ZZEF1: variants seen among roughly 807,000 people sequenced by gnomAD.
ZZEF1 encodes the protein zinc finger ZZ-type and EF-hand domain containing 1.
ZZEF1 carries 157 observed loss-of-function variants against 342.8 expected under a neutral mutation model. That is an observed-to-expected ratio of 0.46 (90% CI 0.40 to 0.52). The LOEUF (loss-of-function observed/expected upper bound fraction) is 0.52, where lower values mean the gene tolerates loss of function less well. Among genes scored for constraint, ZZEF1 ranks in the 20% least tolerant of loss-of-function variants. The pLI is 0.00. For missense variants in ZZEF1, 3,480 were observed against 3,725.6 expected, an observed-to-expected ratio of 0.93 and a Z score of 1.72; for synonymous variants, 1,505 against 1,429.1, an observed-to-expected ratio of 1.05 and a Z score of -1.20.
At chr17:4,018,412 G>A (rs938744818) in intron 46 of ZZEF1, among the ~76,000 whole-genome samples, 3 of 151,966 alleles carry the variant, frequency 2.0e-5, no homozygotes, top group Admixed American at 1.3e-4. Context: ...ACCATGCCTG[G>A]ACTCCCCTTC....
rs569732275 is a variant in ZZEF1, at chr17:4,016,975, A to C, written c.8001+396T>G. On this transcript the variant is annotated intron_variant, in intron 48 of 54. Coordinates refer to ENST00000381638, the MANE Select transcript of ZZEF1 (RefSeq NM_015113.4). The surrounding 1 kb of genome is among the most constrained non-coding windows in gnomAD (Gnocchi z 4.4). ...CCTGCAGGGCTGCAAGGCCGGGAAAAGACCTCGAGGTCTGGTGGTGTTCTC... is the reference window on the plus strand; with the variant it reads ...CCTGCAGGGCTGCAAGGCCGGGAAACGACCTCGAGGTCTGGTGGTGTTCTC... 1.5e-5 allele frequency: 3 copies of C among 199,940 alleles called. No individual in the cohort carries two copies. The highest frequency in any genetic ancestry group is 2.5e-4 in the East Asian group (2 of 7,992). The allele number at this position is 199,940 out of a possible 1,614,324, so 12.4% of individuals were successfully genotyped here.
chr17:4,137,609 AAATAATAAT>A (rs546133221), intron 1 of ZZEF1, among the ~76,000 whole-genome samples: 1 of 152,068 alleles, frequency 6.6e-6, no homozygotes, highest in Non-Finnish European at 1.5e-5. Flanking sequence ...CTCTGTCTCA[AAATAATAAT>A]AATAATAATC....
At position 4,058,026 on chromosome 17, in the gene ZZEF1, C is replaced by T. The variant is rs2057203345; in HGVS notation, c.5133G>A (p.Gln1711=). ...CACTGTCATGGACACTTATATTCTC[C>T]TGTGACATTTTCATGAGGAGATCTG... ...QLPDLLMKMS[Q]ENISVHDSVI... Residue 1711 remains glutamine (Q), a synonymous_variant, in exon 32 of 55, where the codon CAG becomes CAA. Coordinates refer to ENST00000381638, the MANE Select transcript of ZZEF1 (RefSeq NM_015113.4). 6.2e-7 allele frequency: 1 copy of T among 1,614,016 alleles called. No homozygotes were observed. Among genetic ancestry groups the T allele is most frequent in the Admixed American group, 1.7e-5 (1 of 60,006 alleles).
In ZZEF1 at chr17:4,112,654, T is replaced by G. The variant is rs1440761969; in HGVS notation, c.1021A>C (p.Thr341Pro). 1 of 1,614,094 alleles carries G rather than the reference T, an allele frequency of 6.2e-7. No homozygotes were observed. Among genetic ancestry groups the G allele is most frequent in the Non-Finnish European group, 8.5e-7 (1 of 1,180,050 alleles). The change falls in exon 5 of 55, where the codon ACT becomes CCT. Residue 341 changes from threonine (T) to proline (P), a missense_variant. Thr to Pro is a conservative substitution (Grantham distance 38). Coordinates refer to ENST00000381638, the MANE Select transcript of ZZEF1 (RefSeq NM_015113.4). ...TTTTCCAGCAGCGTCACATAGCCAG[T>G]GACATTGCTGGGGATGTGCACATCT... ...VRDVHIPSNV[T>P]GYVTLLENAN...
Position 4,114,140 on chromosome 17 carries a change from T to C in ZZEF1, c.866+159A>G, listed in dbSNP as rs2123842. ...CTCCTTTAAAATATCAGGGAAATTA[T>C]CTGTTAGGAATATATAAGCCAGGTT... On this transcript the variant is annotated intron_variant, in intron 4 of 54. Coordinates refer to ENST00000381638, the MANE Select transcript of ZZEF1 (RefSeq NM_015113.4). 0.1 allele frequency among the ~76,000 whole-genome samples: 15,923 copies of C among 152,306 alleles called. 915 individuals carry two copies. The highest frequency in any genetic ancestry group is 0.14 in the Non-Finnish European group (9,511 of 68,020).
At position 4,050,764 on chromosome 17, in the gene ZZEF1, G is replaced by T; in HGVS notation, c.5863+17C>A. 6.2e-7 allele frequency: 1 copy of T among 1,612,752 alleles called. No homozygotes were observed. On this transcript the variant is annotated intron_variant, in intron 36 of 54. Transcript: ENST00000381638. ...CAACTGAGGGCTGGTTTTGGTTTCT[G>T]TGCATTGGGAAGTCACCTTTTCCCT...
In ZZEF1 at chr17:4,051,953, C is replaced by T. The variant is rs756805143; in HGVS notation, c.5600+18G>A. On this transcript the variant is annotated intron_variant, in intron 35 of 54. Transcript: ENST00000381638. The stretch of plus-strand genomic sequence containing the variant: ...GTGTAAATAAAAGGCTTGGTGGCGA[C>T]GGTCACTTGAGACATACCCGTAGGA... The T allele has an allele frequency of 2.8e-5, 44 of 1,597,824 alleles. No homozygotes were observed. The highest frequency in any genetic ancestry group is 2.0e-4 in the Admixed American group (12 of 58,636).
chr17:4,126,275 A>G (rs1555612159), intron 1 of ZZEF1, among the ~76,000 whole-genome samples: 2 of 151,546 alleles, frequency 1.3e-5, no homozygotes, highest in Non-Finnish European at 2.9e-5. Context: ...AAAAATGCCT[A>G]CACCCTATCC....
chr17:4,116,961 C>T lies in ZZEF1; in HGVS notation c.694+11G>A. ...CAGAGTATTTTCAGGAGAACCCCCACACACACATACCCTTTTCCTTTTGTA... is the reference window on the plus strand; with the variant it reads ...CAGAGTATTTTCAGGAGAACCCCCATACACACATACCCTTTTCCTTTTGTA... On this transcript the variant is annotated intron_variant, in intron 3 of 54. Transcript: ENST00000381638. The T allele has an allele frequency of 6.3e-7, 1 of 1,577,598 alleles. No individual in the cohort carries two copies. Among genetic ancestry groups the T allele is most frequent in the Non-Finnish European group, 8.6e-7 (1 of 1,156,420 alleles).
chr17:4,085,867 T>C, intron 15 of ZZEF1, 64 bp from the exon 16 acceptor site: 1 of 1,584,014 alleles, frequency 6.3e-7, no homozygotes, highest in Non-Finnish European at 8.6e-7. Context: ...ACATCTGCTA[T>C]AACTAGCCTA....
At chr17:4,086,196 G>A (rs1266192168) in intron 15 of ZZEF1, among the ~76,000 whole-genome samples, 1 of 152,168 alleles carries the variant, frequency 6.6e-6, no homozygotes, top group Admixed American at 6.5e-5. Context: ...GAAACCAGGA[G>A]GAAGAGAAGT....
chr17:4,025,262 G>T (rs2056377894), intron 42 of ZZEF1, 144 bp from the exon 43 acceptor site: 1 of 776,052 alleles, frequency 1.3e-6, no homozygotes, highest in Non-Finnish European at 2.0e-6. Flanking sequence ...AGCCAATAAA[G>T]CCAGCTTGCA....
chr17:4,115,250 C>T (rs746829916), intron 3 of ZZEF1, among the ~76,000 whole-genome samples: 15 of 152,180 alleles, frequency 9.9e-5, no homozygotes, highest in Non-Finnish European at 1.9e-4. Flanking sequence ...TGGTGTCAAA[C>T]TCCTGGCTTC....
At position 4,050,453 on chromosome 17, in the gene ZZEF1, G is replaced by C. The variant is rs9911386; in HGVS notation, c.5863+328C>G. 8.9e-3 allele frequency among the ~76,000 whole-genome samples: 1,354 copies of C among 152,234 alleles called. 18 individuals are homozygous for C. Among genetic ancestry groups the C allele is most frequent in the African/African-American group, 0.03 (1,257 of 41,518 alleles). On this transcript the variant is annotated intron_variant, in intron 36 of 54. Transcript: ENST00000381638. ...TGTGTGGAAGCAGATTTACACTCCA[G>C]GTTAAGAAGTCTGGATTCTTTCAGC...
chr17:4,051,180 TAAAG>T (rs750022274), intron 35 of ZZEF1, 137 bp from the exon 36 acceptor site: 3 of 1,136,404 alleles, frequency 2.6e-6, no homozygotes, highest in Non-Finnish European at 3.8e-6. Context: ...ACTGAAAATG[TAAAG>T]AAAGGTGTGG....
At chr17:4,025,971 C>CA (rs2056394433) in intron 42 of ZZEF1, among the ~76,000 whole-genome samples, 4 of 152,174 alleles carry the variant, frequency 2.6e-5, no homozygotes, top group East Asian at 3.9e-4. Flanking sequence ...ATTAAAGAAA[C>CA]AGAGATCAGA....
intron 2 of ZZEF1, 123 bp downstream of exon 2, chr17:4,123,784 C>G: frequency 9.2e-7 from 1 of 1,084,516 alleles, no homozygotes; most frequent in Admixed American, 3.1e-5. Context: ...TAATTCAGAT[C>G]GGGAGCCTAA....
intron 9 of ZZEF1, among the ~76,000 whole-genome samples, chr17:4,100,719 C>T (rs906834712): frequency 6.6e-6 from 1 of 152,160 alleles, no homozygotes; most frequent in African/African-American, 2.4e-5. Context: ...CCTGTAGTCT[C>T]AGATACTCGG....
chr17:4,030,533 G>A (rs574034428), intron 42 of ZZEF1, among the ~76,000 whole-genome samples: 4 of 152,286 alleles, frequency 2.6e-5, no homozygotes, highest in Admixed American at 6.5e-5. Context: ...ATCCCAGAAG[G>A]CCATATACTT....
Sources: gnomAD v4.1 joint callset for allele counts (sites outside exome capture counted in the v4.1 genomes callset) on GRCh38, gnomAD v4.1.1 for gene constraint, Gnocchi (gnomAD v3.1) non-coding constraint, MANE v1.5 for transcripts, NCBI Gene and HGNC (gene_info 2026-07-23, HGNC 2026-07-21) for gene names.